STAU2: variants seen among roughly 807,000 people sequenced by gnomAD.
The protein encoded by STAU2 is double-stranded RNA-binding protein Staufen homolog 2.
A neutral mutation model predicts 65.9 loss-of-function variants in STAU2; 20 were observed. The ratio of observed to expected loss-of-function variants is 0.30; its 90% confidence interval spans 0.21 to 0.44. The LOEUF (loss-of-function observed/expected upper bound fraction) is 0.44, where lower values mean the gene tolerates loss of function less well. Among genes scored for constraint, STAU2 ranks in the 20% least tolerant of loss-of-function variants. STAU2 has a pLI of 1.00. For missense variants in STAU2, 558 were observed against 683.9 expected, an observed-to-expected ratio of 0.82 and a Z score of 2.05; for synonymous variants, 232 against 233.9, an observed-to-expected ratio of 0.99 and a Z score of 0.07.
intron 4 of STAU2, among the ~76,000 whole-genome samples, chr8:73,698,132 C>A (rs1344732649): frequency 2.6e-5 from 4 of 151,374 alleles, no homozygotes; most frequent in Non-Finnish European, 5.9e-5. Context: ...CTCATAGTAA[C>A]CTCAAATCAA....
At chr8:73,441,449 A>G (rs1167023991) in intron 13 of STAU2, 2 of 152,378 alleles carry the variant, frequency 1.3e-5, no homozygotes, top group East Asian at 3.9e-4. Flanking sequence ...CTGAGGCAGG[A>G]GAATCGCTTG....
At chr8:73,639,614 T>C (rs1258498113) in intron 6 of STAU2, among the ~76,000 whole-genome samples, 1 of 152,114 alleles carries the variant, frequency 6.6e-6, no homozygotes, top group African/African-American at 2.4e-5. Context: ...CAACTGAAAC[T>C]AAAAATTACA....
intron 6 of STAU2, among the ~76,000 whole-genome samples, chr8:73,632,850 T>C (rs1241283131): frequency 3.3e-5 from 5 of 152,154 alleles, no homozygotes; most frequent in Non-Finnish European, 5.9e-5. Context: ...AATAAGTATA[T>C]CCTGTTACTT....
At chr8:73,426,042 C>T (rs1254715266) in intron 13 of STAU2, among the ~76,000 whole-genome samples, 1 of 152,192 alleles carries the variant, frequency 6.6e-6, no homozygotes, top group African/African-American at 2.4e-5. Flanking sequence ...ATCCACCTGC[C>T]CCAGCCTCCC....
chr8:73,732,253 G>A (rs563362211), intron 3 of STAU2, among the ~76,000 whole-genome samples: 33 of 152,340 alleles, frequency 2.2e-4, no homozygotes, highest in African/African-American at 7.5e-4. Context: ...CAACATGGCA[G>A]CTAACTATTC....
At chr8:73,468,721 C>T (rs1374623961) in intron 13 of STAU2, among the ~76,000 whole-genome samples, 3 of 152,160 alleles carry the variant, frequency 2.0e-5, no homozygotes, top group African/African-American at 7.2e-5. Flanking sequence ...TCATCACTGG[C>T]CATCAGAGAA....
At chr8:73,614,744 T>C (rs1406144178) in intron 8 of STAU2, among the ~76,000 whole-genome samples, 1 of 146,086 alleles carries the variant, frequency 6.8e-6, no homozygotes, top group African/African-American at 2.6e-5. Context: ...TTACTCATTG[T>C]AGCCTTTAAA....
intron 13 of STAU2, among the ~76,000 whole-genome samples, chr8:73,507,406 A>G (rs149688552): frequency 2.3e-4 from 35 of 150,610 alleles, no homozygotes; most frequent in Admixed American, 1.2e-3. Context: ...TACACTGTCA[A>G]TGAGCAGACA....
intron 10 of STAU2, among the ~76,000 whole-genome samples, chr8:73,598,226 C>CTTT (rs138249622): frequency 7.0e-5 from 9 of 129,330 alleles, no homozygotes; most frequent in Admixed American, 1.6e-4. Flanking sequence ...AAGAAGAAAA[C>CTTT]TTTTTTTTTT....
chr8:73,613,379 G>A (rs1278731464), intron 9 of STAU2, among the ~76,000 whole-genome samples: 1 of 152,146 alleles, frequency 6.6e-6, no homozygotes, highest in African/African-American at 2.4e-5. Context: ...GAATAAAAAT[G>A]GGCAAACTCT....
At chr8:73,607,891 T>C (rs1253372792) in intron 9 of STAU2, among the ~76,000 whole-genome samples, 1 of 152,216 alleles carries the variant, frequency 6.6e-6, no homozygotes, top group African/African-American at 2.4e-5. Context: ...GTCTCTACTA[T>C]CTGTAGAGAC....
At chr8:73,434,240 C>T (rs767672304) in intron 13 of STAU2, among the ~76,000 whole-genome samples, 5 of 106,974 alleles carry the variant, frequency 4.7e-5, no homozygotes, top group Non-Finnish European at 9.4e-5. Flanking sequence ...TGACTCAACA[C>T]AAGGAATGTG....
At chr8:73,640,741 C>A (rs1025480319) in intron 6 of STAU2, among the ~76,000 whole-genome samples, 12 of 152,124 alleles carry the variant, frequency 7.9e-5, no homozygotes, top group African/African-American at 2.9e-4. Flanking sequence ...AGACTGCCAA[C>A]CCCTGCCTCA....
At chr8:73,655,827 T>C (rs1816325543) in intron 6 of STAU2, among the ~76,000 whole-genome samples, 1 of 151,954 alleles carries the variant, frequency 6.6e-6, no homozygotes, top group Non-Finnish European at 1.5e-5. Flanking sequence ...TTTTTGTATT[T>C]TTAGTAGAGA....
intron 1 of STAU2, among the ~76,000 whole-genome samples, chr8:73,746,519 C>T (rs1807296581): frequency 6.7e-6 from 1 of 149,982 alleles, no homozygotes; most frequent in African/African-American, 2.4e-5. Context: ...CCTGTGTCGT[C>T]CCACCCCCTC....
At chr8:73,522,721 G>C (rs761712397) in intron 13 of STAU2, among the ~76,000 whole-genome samples, 10 of 152,142 alleles carry the variant, frequency 6.6e-5, no homozygotes, top group African/African-American at 2.4e-4. Context: ...AGGTAAACAT[G>C]AGAATGTCAA....
chr8:73,478,305 T>TAA (rs10660977), intron 13 of STAU2, among the ~76,000 whole-genome samples: 12,892 of 77,212 alleles, frequency 0.17, 1,181 homozygotes, highest in East Asian at 0.48. Context: ...ACTGATGAGC[T>TAA]AAAAAAAAAA....
At chr8:73,475,014 C>G (rs1256846803) in intron 13 of STAU2, among the ~76,000 whole-genome samples, 1 of 152,030 alleles carries the variant, frequency 6.6e-6, no homozygotes, top group African/African-American at 2.4e-5. Flanking sequence ...GATTGAGTCA[C>G]CAAAGAGTAT....
At chr8:73,653,836 T>C (rs1002100768) in intron 6 of STAU2, 5 of 423,404 alleles carry the variant, frequency 1.2e-5, no homozygotes, top group Non-Finnish European at 2.3e-5. Context: ...TTTCCAAAAT[T>C]TGTCTTCAAA....
Sources: gnomAD v4.1 joint callset for allele counts (sites outside exome capture counted in the v4.1 genomes callset) on GRCh38, gnomAD v4.1.1 for gene constraint, MANE v1.5 for transcripts, NCBI Gene and HGNC (gene_info 2026-07-23, HGNC 2026-07-21) for gene names.